GABRQ: variants seen among roughly 807,000 people sequenced by gnomAD.
The protein encoded by GABRQ is gamma-aminobutyric acid type A receptor subunit theta.
GABRQ carries 19 observed loss-of-function variants against 30.5 expected under a neutral mutation model. The observed-to-expected ratio is 0.62, with a 90% CI of 0.43 to 0.91. GABRQ has a LOEUF of 0.91. GABRQ is among the 40% of genes least tolerant of loss of function. The pLI, the probability that GABRQ is intolerant of heterozygous loss-of-function variation, is 0.00. For missense variants in GABRQ, 520 were observed against 521.4 expected, an observed-to-expected ratio of 1.00 and a Z score of 0.03; for synonymous variants, 187 against 210.2, an observed-to-expected ratio of 0.89 and a Z score of 0.95.
chrX:152,646,867 ATACACACACACCC>A, intron 3 of GABRQ, 68 bp from the exon 4 acceptor site: 1 of 615,925 alleles, frequency 1.6e-6, no homozygotes, highest in Non-Finnish European at 2.8e-6. Context: ...GCATGCACAC[ATACACACACACCC>A]TACACACACC....
intron 4 of GABRQ, among the ~76,000 whole-genome samples, chrX:152,648,645 G>A (rs782224928): frequency 2.6e-4 from 29 of 111,703 alleles, no homozygotes; most frequent in Non-Finnish European, 5.1e-4. Flanking sequence ...ACAGGTGTGA[G>A]CCACCGCGCC....
chrX:152,646,410 T>C (rs1408348086), intron 3 of GABRQ, among the ~76,000 whole-genome samples: 2 of 112,551 alleles, frequency 1.8e-5, no homozygotes, highest in African/African-American at 6.5e-5. Context: ...TGCATGTTCA[T>C]ATGATAATCT....
intron 1 of GABRQ, among the ~76,000 whole-genome samples, chrX:152,639,860 C>T (rs973495322): frequency 6.3e-5 from 7 of 111,611 alleles, no homozygotes; most frequent in African/African-American, 9.8e-5. Flanking sequence ...CCAGCCCTAG[C>T]CCAGGTAAGG....
chrX:152,651,878 A>G, intron 8 of GABRQ, 96 bp downstream of exon 8: 2 of 814,329 alleles, frequency 2.5e-6, no homozygotes, highest in Non-Finnish European at 1.8e-6. Flanking sequence ...CTTTTTAAAT[A>G]CGCGCACCCA....
rs973148181 is a variant in GABRQ, at chrX:152,656,691, T to C, written c.*3410T>C. ...CTGAGTTTTGCTGAGACTGTGGCCATTCCTAATGAGGTTTCCTCATTCCAT... is the reference window on the plus strand; with the variant it reads ...CTGAGTTTTGCTGAGACTGTGGCCACTCCTAATGAGGTTTCCTCATTCCAT... On this transcript the variant is annotated 3_prime_UTR_variant, in exon 9 of 9. Transcript: ENST00000598523. The C allele has an allele frequency of 1.8e-5, 2 of 112,597 alleles. No individual in the cohort carries two copies. The highest frequency in any genetic ancestry group is 6.5e-5 in the African/African-American group (2 of 30,955). 9.3% of individuals were successfully genotyped at this position (112,597 alleles called of 1,213,427 possible).
chrX:152,642,057 C>T (rs1176563662), intron 2 of GABRQ, among the ~76,000 whole-genome samples: 12 of 111,556 alleles, frequency 1.1e-4, no homozygotes, highest in African/African-American at 3.9e-4. Context: ...GACGTGCACA[C>T]CTGCAGCGTG....
At chrX:152,649,628 C>G (rs111701930) in intron 5 of GABRQ, 114 bp from the exon 6 acceptor site, 1 of 590,272 alleles carries the variant, frequency 1.7e-6, no homozygotes, top group Admixed American at 2.7e-5. Context: ...AAAATGTCAC[C>G]TTACTGTTGG....
intron 4 of GABRQ, among the ~76,000 whole-genome samples, chrX:152,647,472 C>T (rs187575119): frequency 1.5e-4 from 17 of 111,871 alleles, no homozygotes; most frequent in African/African-American, 4.6e-4. Context: ...CTCAAATGCC[C>T]CCTTGGTCAG....
At position 152,647,124 on chromosome X, in the gene GABRQ, C is replaced by T. The variant is rs1930909080; in HGVS notation, c.483C>T (p.Arg161=). The change falls in exon 4 of 9, where the codon CGC becomes CGT. Residue 161 remains arginine, a synonymous_variant. Coordinates refer to ENST00000598523, the MANE Select transcript of GABRQ (RefSeq NM_018558.4). ...AFVHDVTVEN[R]VFQLHPDGTV... ...TGCATGATGTGACTGTGGAGAATCG[C>T]GTGTTTCAGCTTCACCCAGATGGAA... 1.2e-5 allele frequency: 15 copies of T among 1,208,747 alleles called. No homozygotes were observed. Among genetic ancestry groups the T allele is most frequent in the South Asian group, 1.8e-5 (1 of 56,766 alleles).
Position 152,652,877 on chromosome X carries a change from G to GA in GABRQ, c.1496dup (p.Asp499GlufsTer4). The GA allele has an allele frequency of 8.3e-7, 1 of 1,211,820 alleles. No individual in the cohort carries two copies. The highest frequency in any genetic ancestry group is 1.1e-6 in the Non-Finnish European group (1 of 895,126). On this transcript the variant is annotated frameshift_variant, in exon 9 of 9. Transcript: ENST00000598523. LOFTEE classifies it low-confidence loss of function (END_TRUNC). ...CCATGGTGTTACCCATGACCATGAA[G>GA]ATTCCAATGAGAGCTTGAGCTCGGA...
In GABRQ at chrX:152,651,690, C is replaced by T. The variant is rs782695736; in HGVS notation, c.1066C>T (p.Arg356Ter). The T allele has an allele frequency of 3.3e-6, 4 of 1,208,120 alleles. No homozygotes were observed. Among genetic ancestry groups the T allele is most frequent in the East Asian group, 5.9e-5 (2 of 33,759 alleles). ...YVYINYLFYS[R>*]GPRRQPRRHR... Reference sequence around the variant, plus strand: ...CTACATCAACTATCTTTTCTACAGTCGAGGACCTCGGCGCCAGCCTAGGCG... The same window carrying T: ...CTACATCAACTATCTTTTCTACAGTTGAGGACCTCGGCGCCAGCCTAGGCG... Residue 356 changes from arginine (R) to a stop codon, truncating the protein, a stop_gained, in exon 8 of 9, where the codon CGA becomes TGA. Coordinates refer to ENST00000598523, the MANE Select transcript of GABRQ (RefSeq NM_018558.4). LOFTEE classifies it high-confidence loss of function.
rs1931024695 is a variant in GABRQ at position 152,651,645 on chromosome X, C to T, written c.1021C>T (p.Leu341=). 1 of 1,209,867 alleles carries T rather than the reference C, an allele frequency of 8.3e-7. No individual in the cohort carries two copies. The highest frequency in any genetic ancestry group is 1.1e-6 in the Non-Finnish European group (1 of 894,379). The part of the protein sequence containing the change: ...YILVCLFFVF[L]SLLEYVYINY... The stretch of plus-strand genomic sequence containing the variant: ...CCTCGTGTGCTTGTTCTTTGTGTTC[C>T]TGTCCTTGCTGGAGTATGTCTACAT... The change falls in exon 8 of 9, where the codon CTG becomes TTG. Residue 341 remains leucine (L), a synonymous_variant. Transcript: ENST00000598523.
At position 152,647,004 on chromosome X, in the gene GABRQ, C is replaced by T. The variant is rs782817062; in HGVS notation, c.363C>T (p.Tyr121=). 8.3e-7 allele frequency: 1 copy of T among 1,207,629 alleles called. No homozygotes were observed. Among genetic ancestry groups the T allele is most frequent in the Admixed American group, 2.2e-5 (1 of 46,063 alleles). ...CTTGGAAAGATTCACGCTTAGCATA[C>T]TATGAGACCACCCTGAACTTGACCC... ...HQTWKDSRLA[Y]YETTLNLTLD... is the part of the protein sequence containing the mutation. Residue 121 remains tyrosine (Y), a synonymous_variant, in exon 4 of 9, where the codon TAC becomes TAT. Coordinates refer to ENST00000598523, the MANE Select transcript of GABRQ (RefSeq NM_018558.4).
rs781870098 is a variant in GABRQ at position 152,650,449 on chromosome X, T to C, written c.770T>C (p.Leu257Pro). 10 of 1,209,176 alleles carry C rather than the reference T, an allele frequency of 8.3e-6. No homozygotes were observed. Among genetic ancestry groups the C allele is most frequent in the Non-Finnish European group, 1.1e-5 (10 of 893,708 alleles). ...CCAGGTTCCTACATACGCCTGATAC[T>C]GAAGTTCCAGGTTCAGAGGGAAGTT... ...FYTGSYIRLI[L>P]KFQVQREVNS... The change falls in exon 7 of 9, where the codon CTG becomes CCG. Residue 257 changes from leucine (L) to proline (P), a missense_variant. Physicochemically the swap from Leu to Pro is moderately conservative, Grantham distance 98. Transcript: ENST00000598523.
At chrX:152,649,393 A>G (rs1169915244) in intron 5 of GABRQ, 60 bp downstream of exon 5, 1 of 704,025 alleles carries the variant, frequency 1.4e-6, no homozygotes, top group African/African-American at 2.1e-5. Flanking sequence ...TCAGGGAAGC[A>G]GAGGCTGAAT....
rs931595555 is a variant in GABRQ at position 152,656,343 on chromosome X, C to A, written c.*3062C>A. ...GCTTGGTAGTTTGGAGCTTGGGCAG[C>A]ATCTGGGATGCAACAACCCCTATTT... On this transcript the variant is annotated 3_prime_UTR_variant, in exon 9 of 9. Coordinates refer to ENST00000598523, the MANE Select transcript of GABRQ (RefSeq NM_018558.4). The A allele has an allele frequency of 8.1e-5, 9 of 111,402 alleles. No homozygotes were observed. The highest frequency in any genetic ancestry group is 1.7e-4 in the Non-Finnish European group (9 of 53,024). 9.2% of individuals were successfully genotyped at this position (111,402 alleles called of 1,213,427 possible).
At chrX:152,651,421 T>C (rs1266779002) in intron 7 of GABRQ, 105 bp from the exon 8 acceptor site, 1 of 613,133 alleles carries the variant, frequency 1.6e-6, no homozygotes, top group Non-Finnish European at 2.6e-6. Flanking sequence ...CGAAGGCCTT[T>C]GCTGTGGGCC....
chrX:152,640,498 GT>G (rs1733941098), intron 2 of GABRQ, 32 bp downstream of exon 2: 1 of 903,538 alleles, frequency 1.1e-6, no homozygotes, highest in Admixed American at 2.2e-5. Context: ...GAGAACTTGG[GT>G]TAGGTGTCCT....
rs1931021576 is a variant in GABRQ, at chrX:152,651,571, G to A, written c.947G>A (p.Arg316Gln). The A allele has an allele frequency of 2.5e-6, 3 of 1,205,956 alleles. No homozygotes were observed. Among genetic ancestry groups the A allele is most frequent in the Non-Finnish European group, 2.2e-6 (2 of 890,010 alleles). ...LILTTIDSHL[R>Q]DKLPNISCIK... ...CTGACCACCATCGACTCACATCTGC[G>A]GGATAAGCTCCCCAACATTTCCTGT... The change falls in exon 8 of 9, where the codon CGG becomes CAG. Residue 316 changes from arginine (R) to glutamine (Q), a missense_variant. Coordinates refer to ENST00000598523, the MANE Select transcript of GABRQ (RefSeq NM_018558.4).
Sources: gnomAD v4.1 joint callset for allele counts (sites outside exome capture counted in the v4.1 genomes callset) on GRCh38, gnomAD v4.1.1 for gene constraint, MANE v1.5 for transcripts, NCBI Gene and HGNC (gene_info 2026-07-23, HGNC 2026-07-21) for gene names.